Variants in RNF170 observed in about 807,000 individuals in gnomAD.
RNF170 encodes the protein E3 ubiquitin-protein ligase RNF170.
Under a neutral mutation model 32.7 loss-of-function variants are expected in RNF170, and 12 were observed. The observed-to-expected ratio is 0.37, with a 90% confidence interval of 0.24 to 0.60. The LOEUF (loss-of-function observed/expected upper bound fraction) is 0.60. Among genes scored for constraint, RNF170 ranks in the 20% least tolerant of loss-of-function variants. RNF170 has a pLI of 0.72. For synonymous variants in RNF170, 91 were observed against 103.6 expected (o/e 0.88, Z 0.74); for missense variants, 212 against 311.2 (o/e 0.68, Z 2.40).
chr8:42,897,295 C>A (rs1807020096), upstream of RNF170: 1 of 711,762 alleles, frequency 1.4e-6, no homozygotes, highest in Non-Finnish European at 1.9e-6. Context: ...GGTGCCGTCA[C>A]ATCCGGGGCC....
chr8:42,887,638 G>T, intron 2 of RNF170, 90 bp downstream of exon 2: 2 of 1,154,046 alleles, frequency 1.7e-6, no homozygotes, highest in Non-Finnish European at 1.3e-6. Context: ...TCTGTTACTT[G>T]CTGTTCATAT....
At chr8:42,869,916 A>G (rs1804397433) in intron 4 of RNF170, 88 bp downstream of exon 4, 1 of 900,682 alleles carries the variant, frequency 1.1e-6, no homozygotes, top group Admixed American at 2.0e-5. Flanking sequence ...AAAATGTGAC[A>G]AAGAGAAAAT....
At chr8:42,859,723 A>ATT (rs1015940535) in intron 6 of RNF170, among the ~76,000 whole-genome samples, 29 of 152,148 alleles carry the variant, frequency 1.9e-4, no homozygotes, top group African/African-American at 6.8e-4. Flanking sequence ...ATCCTGGCTC[A>ATT]TTGCAACCTC....
At chr8:42,856,856 C>T (rs1803279088) in intron 6 of RNF170, among the ~76,000 whole-genome samples, 1 of 152,104 alleles carries the variant, frequency 6.6e-6, no homozygotes, top group Non-Finnish European at 1.5e-5. Flanking sequence ...GTTGCTTAAC[C>T]TACTAGAGAT....
intron 3 of RNF170, 69 bp downstream of exon 3, chr8:42,873,862 G>A: frequency 1.1e-6 from 1 of 890,612 alleles, no homozygotes; most frequent in East Asian, 2.4e-5. Flanking sequence ...ATTTAGTAAT[G>A]TTTTATCACA....
At chr8:42,894,640 C>CT (rs1806602636) in intron 1 of RNF170, among the ~76,000 whole-genome samples, 1 of 152,166 alleles carries the variant, frequency 6.6e-6, no homozygotes, top group Non-Finnish European at 1.5e-5. Flanking sequence ...TCTCGGCTCA[C>CT]TGCAACCTCA....
intron 4 of RNF170, among the ~76,000 whole-genome samples, chr8:42,866,660 T>C (rs981064425): frequency 6.6e-6 from 1 of 152,090 alleles, no homozygotes; most frequent in African/African-American, 2.4e-5. Context: ...TAATGAAGTT[T>C]AGAATCCAGT....
In RNF170 at chr8:42,895,179, G is replaced by A. The variant is rs374008818; in HGVS notation, c.-8+1305C>T. ...AAAATAAGAAAATTAGCTGAGCATC[G>A]TGGCCTGCACCTGTGGTTCCAGCTA... On this transcript the variant is annotated intron_variant, in intron 1 of 6. Transcript: ENST00000527424. Among the ~76,000 whole-genome samples the A allele has an allele frequency of 4.6e-5, 7 of 152,062 alleles. No individual in the cohort carries two copies. In the East Asian group the frequency reaches 1.2e-3, roughly 25 times the overall value.
chr8:42,892,066 C>T (rs1007272445), intron 1 of RNF170, among the ~76,000 whole-genome samples: 2 of 152,202 alleles, frequency 1.3e-5, no homozygotes, highest in South Asian at 2.1e-4. Context: ...GTGCCTACTC[C>T]GGAGGCACCT....
intron 2 of RNF170, among the ~76,000 whole-genome samples, chr8:42,880,460 T>G (rs1316859509): frequency 6.6e-6 from 1 of 152,184 alleles, no homozygotes; most frequent in East Asian, 1.9e-4. Context: ...TGTGTCAACT[T>G]TATTTGTTGT....
chr8:42,887,612 T>C, intron 2 of RNF170, 116 bp downstream of exon 2: 1 of 963,604 alleles, frequency 1.0e-6, no homozygotes, highest in African/African-American at 1.6e-5. Flanking sequence ...TTAGTAAACA[T>C]CTACAATCAC....
chr8:42,888,786 C>G (rs1198105552), intron 1 of RNF170, among the ~76,000 whole-genome samples: 1 of 141,898 alleles, frequency 7.0e-6, no homozygotes, highest in Non-Finnish European at 1.5e-5. Flanking sequence ...CACCCCCCAA[C>G]CAAAAACAAT....
At chr8:42,852,629 C>A (rs964490136), downstream of RNF170, among the ~76,000 whole-genome samples, 1 of 152,060 alleles carries the variant, frequency 6.6e-6, no homozygotes, top group African/African-American at 2.4e-5. Flanking sequence ...GTTGGCCAGG[C>A]TGGTCTCAAA....
At chr8:42,851,271 A>G (rs1484382923), downstream of RNF170, among the ~76,000 whole-genome samples, 3 of 152,126 alleles carry the variant, frequency 2.0e-5, no homozygotes, top group Non-Finnish European at 4.4e-5. Context: ...TTATAAGAGT[A>G]AGAGAGGAGG....
downstream of RNF170, chr8:42,850,043 T>A (rs1802901154): frequency 6.5e-6 from 1 of 153,344 alleles, no homozygotes; most frequent in African/African-American, 2.4e-5. Flanking sequence ...TGTGCGAAGA[T>A]CTGGAGTTGG....
At position 42,856,340 on chromosome 8, in the gene RNF170, C is replaced by T. The variant is rs758564902; in HGVS notation, c.596G>A (p.Arg199His). Reference sequence around the variant, plus strand: ...CATTAAACAAAGTATTATCCTGATGCGAAACATCCAGAAAAGGCCCCCGAC... The same window carrying T: ...CATTAAACAAAGTATTATCCTGATGTGAAACATCCAGAAAAGGCCCCCGAC... ...FSVGGLFWMF[R>H]IRIILCLMGA... Residue 199 changes from arginine (R) to histidine (H), a missense_variant, in exon 7 of 7, where the codon CGC becomes CAC. Around this residue, in one of 2 missense-constraint regions of RNF170, gnomAD observed 97 missense variants for 178.9 expected, o/e 0.54. Coordinates refer to ENST00000527424, the MANE Select transcript of RNF170 (RefSeq NM_030954.4). 74 of 1,591,456 alleles carry T rather than the reference C, an allele frequency of 4.6e-5. No homozygotes were observed. The highest frequency in any genetic ancestry group is 4.6e-5 in the Non-Finnish European group (54 of 1,174,156).
At chr8:42,892,558 C>T (rs1806390617) in intron 1 of RNF170, among the ~76,000 whole-genome samples, 1 of 152,132 alleles carries the variant, frequency 6.6e-6, no homozygotes, top group African/African-American at 2.4e-5. Flanking sequence ...TCAATTGCTT[C>T]ACCCTCAAAA....
In RNF170 at chr8:42,863,980, AGT is replaced by A. The variant is rs71231874; in HGVS notation, c.396+1434_396+1435del. 4.8e-3 allele frequency among the ~76,000 whole-genome samples: 664 copies of A among 139,552 alleles called. 2 individuals carry two copies. The highest frequency in any genetic ancestry group is 0.011 in the African/African-American group (421 of 37,076). The allele number at this position is 139,552 out of a possible 152,430, so 91.6% of individuals were successfully genotyped here. On this transcript the variant is annotated intron_variant, in intron 5 of 6. Coordinates refer to ENST00000527424, the MANE Select transcript of RNF170 (RefSeq NM_030954.4). Reference sequence around the variant, plus strand: ...AAGGCTGAAGGAGAGAGAGAGAGAGAGTGTGTGTGTGTGTGTGTGTGTGTGTG... The same window carrying A: ...AAGGCTGAAGGAGAGAGAGAGAGAGAGTGTGTGTGTGTGTGTGTGTGTGTG...
At chr8:42,856,885 G>T (rs888223942) in intron 6 of RNF170, among the ~76,000 whole-genome samples, 3 of 152,174 alleles carry the variant, frequency 2.0e-5, no homozygotes, top group African/African-American at 7.2e-5. Flanking sequence ...AACTAACTGT[G>T]TATTTATGTG....
Sources: allele counts gnomAD v4.1 joint callset (sites outside exome capture counted in the v4.1 genomes callset), GRCh38; gene constraint gnomAD v4.1.1; regional missense constraint gnomAD v4.1.1; transcripts MANE v1.5; gene names NCBI Gene and HGNC (gene_info 2026-07-23, HGNC 2026-07-21).